SPAG17: variants seen among roughly 807,000 people sequenced by gnomAD.
The protein encoded by SPAG17 is sperm associated antigen 17.
In SPAG17, 169 loss-of-function variants were observed where a neutral mutation model predicts 273.6. That is an observed-to-expected ratio of 0.62 (90% confidence interval 0.55 to 0.70). SPAG17 has a LOEUF of 0.70. Ranked by LOEUF, SPAG17 falls within the 30% of genes least tolerant of loss-of-function variation. The pLI is 0.00. For missense variants in SPAG17, 2,557 were observed against 2,627.8 expected (o/e 0.97, Z 0.59); for synonymous variants, 825 against 873.2 (o/e 0.94, Z 0.97).
At position 118,043,337 on chromosome 1, in the gene SPAG17, C is replaced by T. The variant is rs116276381; in HGVS notation, c.2815-1295G>A. Among the ~76,000 whole-genome samples, 1,071 of 152,188 alleles carry T rather than the reference C, an allele frequency of 7.0e-3. 15 individuals carry two copies. Among genetic ancestry groups the T allele is most frequent in the African/African-American group, 0.025 (1,032 of 41,526 alleles). On this transcript the variant is annotated intron_variant, in intron 20 of 48. Transcript: ENST00000336338. The stretch of plus-strand genomic sequence containing the variant: ...CAGGAAATAACATTGGTGTATCGGA[C>T]CTAGCTCACATTAACTTAAAAGAGA...
Position 118,185,180 on chromosome 1 carries a change from G to A in SPAG17, c.-23C>T, listed in dbSNP as rs1661135588. 7 of 1,593,110 alleles carry A rather than the reference G, an allele frequency of 4.4e-6. No individual in the cohort carries two copies. Among genetic ancestry groups the A allele is most frequent in the Non-Finnish European group, 6.0e-6 (7 of 1,160,904 alleles). Reference sequence around the variant, plus strand: ...CATGCAAAGGACGGGAGAAGCATTGGCCTCTAAACTGGGCGCAGGCCCTGC... The same window carrying A: ...CATGCAAAGGACGGGAGAAGCATTGACCTCTAAACTGGGCGCAGGCCCTGC... On this transcript the variant is annotated 5_prime_UTR_variant, in exon 1 of 49. Transcript: ENST00000336338.
In SPAG17 at chr1:118,101,788, T is replaced by G. The variant is rs1423260266; in HGVS notation, c.586A>C (p.Thr196Pro). ...TCTTCTCCTCTCCGCTTTAACTGGG[T>G]GGTCTTTTTCACTGGTGCATTTGCC... ...PEANAPVKKT[T>P]QLKRRGEDDH... Residue 196 changes from threonine (T) to proline (P), a missense_variant, in exon 5 of 49, where the codon ACC (threonine) becomes CCC (proline). Coordinates refer to ENST00000336338, the MANE Select transcript of SPAG17 (RefSeq NM_206996.4). 6.2e-7 allele frequency: 1 copy of G among 1,613,898 alleles called. No homozygotes were observed. The highest frequency in any genetic ancestry group is 8.5e-7 in the Non-Finnish European group (1 of 1,179,964).
chr1:118,140,398 C>G (rs10923499), intron 3 of SPAG17, among the ~76,000 whole-genome samples: 9,612 of 152,114 alleles, frequency 0.063, 452 homozygotes, highest in East Asian at 0.26. Flanking sequence ...GATATGTTAA[C>G]TAGCTTGATT....
At position 117,953,626 on chromosome 1, in the gene SPAG17, G is replaced by A; in HGVS notation, c.*424C>T. The A allele has an allele frequency of 6.8e-7, 1 of 1,465,310 alleles. No homozygotes were observed. Among genetic ancestry groups the A allele is most frequent in the Non-Finnish European group, 9.2e-7 (1 of 1,082,166 alleles). 90.8% of individuals were successfully genotyped at this position (1,465,310 alleles called of 1,614,324 possible). Reference sequence around the variant, plus strand: ...AGTTTTATTCTGTATCAACCAGAAAGCCATTTTTTTGGCAAAAAGTTGATG... The same window carrying A: ...AGTTTTATTCTGTATCAACCAGAAAACCATTTTTTTGGCAAAAAGTTGATG... On this transcript the variant is annotated 3_prime_UTR_variant, in exon 49 of 49. Coordinates refer to ENST00000336338, the MANE Select transcript of SPAG17 (RefSeq NM_206996.4).
chr1:118,007,097 C>CT lies in SPAG17; in HGVS notation c.4587+946dup, dbSNP rs548867852. Among the ~76,000 whole-genome samples the CT allele has an allele frequency of 5.4e-4, 82 of 151,968 alleles. 1 individual carries two copies. In the East Asian group the frequency reaches 0.014, roughly 27 times the overall value. On this transcript the variant is annotated intron_variant, in intron 31 of 48. Coordinates refer to ENST00000336338, the MANE Select transcript of SPAG17 (RefSeq NM_206996.4). ...TTGGTGGTGTCCTTTGAATCACAAA[C>CT]TTTTTTTTGATTTTGGTAAAGCTTG...
chr1:118,091,123 T>C (rs1305661900), intron 10 of SPAG17, among the ~76,000 whole-genome samples: 1 of 152,130 alleles, frequency 6.6e-6, no homozygotes, highest in East Asian at 1.9e-4. Context: ...AAAACATATT[T>C]AAGTGAATAG....
intron 21 of SPAG17, 97 bp downstream of exon 21, chr1:118,041,706 G>T: frequency 6.8e-7 from 1 of 1,464,506 alleles, no homozygotes; most frequent in Non-Finnish European, 9.2e-7. Context: ...GGCCTACTGT[G>T]GGGTAGTGAA....
At chr1:118,040,371 A>C (rs547798088) in intron 22 of SPAG17, among the ~76,000 whole-genome samples, 54 of 152,268 alleles carry the variant, frequency 3.5e-4, no homozygotes, top group African/African-American at 1.2e-3. Flanking sequence ...AATGCTGTAA[A>C]CTCACAGAAT....
At chr1:117,972,557 A>T (rs1490521004) in intron 44 of SPAG17, among the ~76,000 whole-genome samples, 1 of 152,198 alleles carries the variant, frequency 6.6e-6, no homozygotes, top group African/African-American at 2.4e-5. Context: ...TATTCCTCAC[A>T]TCAGCAGTGC....
At chr1:118,157,020 A>C (rs1032127830) in intron 1 of SPAG17, among the ~76,000 whole-genome samples, 5 of 152,058 alleles carry the variant, frequency 3.3e-5, no homozygotes, top group African/African-American at 4.8e-5. Context: ...CGATGTGTTG[A>C]AGCCGATTGC....
chr1:117,969,938 CTT>C (rs1201670978), intron 46 of SPAG17, 116 bp downstream of exon 46: 1 of 888,972 alleles, frequency 1.1e-6, no homozygotes, highest in Non-Finnish European at 1.8e-6. Flanking sequence ...AAACAGTAGA[CTT>C]ATACATAGTT....
chr1:118,097,941 G>T (rs1655822317), intron 6 of SPAG17, 90 bp from the exon 7 acceptor site: 4 of 837,440 alleles, frequency 4.8e-6, no homozygotes, highest in East Asian at 5.5e-5. Flanking sequence ...TGCATTGCAA[G>T]ATATCTGTAC....
intron 1 of SPAG17, among the ~76,000 whole-genome samples, chr1:118,157,754 A>G (rs146380684): frequency 1.0e-3 from 159 of 152,346 alleles, no homozygotes; most frequent in African/African-American, 3.7e-3. Flanking sequence ...TCTGTGCCTC[A>G]TGCATAAATG....
intron 3 of SPAG17, among the ~76,000 whole-genome samples, chr1:118,120,651 C>T (rs1291621458): frequency 6.6e-6 from 1 of 152,138 alleles, no homozygotes; most frequent in African/African-American, 2.4e-5. Context: ...TGTGGCCACA[C>T]AAGAAACTTG....
intron 48 of SPAG17, chr1:117,957,294 A>G (rs1652356833): frequency 7.1e-7 from 1 of 1,413,256 alleles, no homozygotes; most frequent in Non-Finnish European, 9.4e-7. Flanking sequence ...AAGAAATAGT[A>G]TGCCGAACTC....
At position 118,081,192 on chromosome 1, in the gene SPAG17, G is replaced by A; in HGVS notation, c.2118C>T (p.Asp706=). Residue 706 remains aspartate, a synonymous_variant, in exon 15 of 49, where the codon GAC becomes GAT. Transcript: ENST00000336338. The part of the protein sequence containing the change: ...QCDANNMKHS[D]LNNLKLSVPD... ...GGACTGAGAGTTTGAGATTATTCAA[G>A]TCAGAATGCTTCATATTGTTAGCAT... 1 of 1,613,942 alleles carries A rather than the reference G, an allele frequency of 6.2e-7. No homozygotes were observed. The highest frequency in any genetic ancestry group is 1.1e-5 in the South Asian group (1 of 91,050).
chr1:117,988,351 T>C, intron 38 of SPAG17, 147 bp from the exon 39 acceptor site: 1 of 488,090 alleles, frequency 2.0e-6, no homozygotes, highest in South Asian at 5.3e-5. Flanking sequence ...GACCAAGCTG[T>C]AATACAACAG....
chr1:118,144,386 TG>T (rs1311356070), intron 3 of SPAG17, among the ~76,000 whole-genome samples: 1 of 152,228 alleles, frequency 6.6e-6, no homozygotes, highest in African/African-American at 2.4e-5. Context: ...CATAGCCCTT[TG>T]TAACCGTTTC....
In SPAG17 at chr1:117,963,917, T is replaced by C; in HGVS notation, c.6554A>G (p.Tyr2185Cys). Reference sequence around the variant, plus strand: ...GGGAAAGTCTTTTGGTCGTTTATCATAATTGCTGCTTGTTAAAACAGGTAA... The same window carrying C: ...GGGAAAGTCTTTTGGTCGTTTATCACAATTGCTGCTTGTTAAAACAGGTAA... The part of the protein sequence containing the change: ...VEATVLTSSN[Y>C]DKRPKDFPQG... Residue 2185 changes from tyrosine (Y) to cysteine (C), a missense_variant, in exon 48 of 49, where the codon TAT (tyrosine) becomes TGT (cysteine). Tyr to Cys is a radical substitution (Grantham distance 194). Coordinates refer to ENST00000336338, the MANE Select transcript of SPAG17 (RefSeq NM_206996.4). 1 of 1,614,016 alleles carries C rather than the reference T, an allele frequency of 6.2e-7. No individual in the cohort carries two copies. Among genetic ancestry groups the C allele is most frequent in the Non-Finnish European group, 8.5e-7 (1 of 1,179,922 alleles).
Sources: allele counts gnomAD v4.1 joint callset (sites outside exome capture counted in the v4.1 genomes callset), GRCh38; gene constraint gnomAD v4.1.1; transcripts MANE v1.5; gene names NCBI Gene and HGNC (gene_info 2026-07-23, HGNC 2026-07-21).